Variants in BMERB1 observed in about 807,000 individuals in gnomAD.
BMERB1 encodes bMERB domain containing 1.
Under a neutral mutation model 23.6 loss-of-function variants are expected in BMERB1, and 12 were observed. That is an observed-to-expected ratio of 0.51 (90% CI 0.33 to 0.82). BMERB1 has a LOEUF of 0.82. Among genes scored for constraint, BMERB1 ranks in the 40% least tolerant of loss-of-function variants. BMERB1 has a pLI of 0.03. For synonymous variants in BMERB1, 122 were observed against 96.6 expected (o/e 1.26, Z -1.54); for missense variants, 247 against 255.4 (o/e 0.97, Z 0.22).
At chr16:15,499,984 C>G (rs1424359389) in intron 1 of BMERB1, among the ~76,000 whole-genome samples, 1 of 152,142 alleles carries the variant, frequency 6.6e-6, no homozygotes, top group Non-Finnish European at 1.5e-5. Flanking sequence ...AGCAATGTGC[C>G]AATGTCAGTT....
chr16:15,443,381 C>CTT (rs1555505000), intron 1 of BMERB1, among the ~76,000 whole-genome samples: 3 of 150,978 alleles, frequency 2.0e-5, no homozygotes, highest in African/African-American at 7.3e-5. Context: ...TGGCGAAACC[C>CTT]TGTCTCTACC....
At chr16:15,533,569 C>T (rs1344005954) in intron 2 of BMERB1, among the ~76,000 whole-genome samples, 2 of 151,982 alleles carry the variant, frequency 1.3e-5, no homozygotes, top group East Asian at 3.9e-4. Context: ...GCTTGAGCCT[C>T]TCCTCACTCC....
intron 1 of BMERB1, among the ~76,000 whole-genome samples, chr16:15,486,637 A>C (rs2051371286): frequency 6.6e-6 from 1 of 152,204 alleles, no homozygotes; most frequent in Non-Finnish European, 1.5e-5. Flanking sequence ...GTGGTCCAGA[A>C]ATACTTCTGA....
At chr16:15,462,047 A>G (rs1218273751) in intron 1 of BMERB1, among the ~76,000 whole-genome samples, 2 of 151,686 alleles carry the variant, frequency 1.3e-5, no homozygotes, top group East Asian at 1.9e-4. Context: ...ATTTTGCAGT[A>G]TAAGCATGTC....
At chr16:15,502,385 G>A (rs1476776470) in intron 1 of BMERB1, 21 of 1,545,830 alleles carry the variant, frequency 1.4e-5, no homozygotes, top group Middle Eastern at 4.0e-4. Flanking sequence ...AGGTATGATC[G>A]CTCTTGGGGG....
intron 5 of BMERB1, among the ~76,000 whole-genome samples, chr16:15,585,119 G>A (rs192177253): frequency 1.3e-5 from 2 of 152,224 alleles, no homozygotes; most frequent in African/African-American, 2.4e-5. Context: ...GGAAAGAGAA[G>A]GGCAATGATC....
chr16:15,547,968 T>C (rs963041766), intron 2 of BMERB1, among the ~76,000 whole-genome samples: 2 of 152,172 alleles, frequency 1.3e-5, no homozygotes, highest in Admixed American at 1.3e-4. Flanking sequence ...TATGAAGCAC[T>C]TCTTAGTGTA....
intron 2 of BMERB1, among the ~76,000 whole-genome samples, chr16:15,554,020 T>C (rs911319510): frequency 2.0e-5 from 3 of 152,154 alleles, no homozygotes; most frequent in Non-Finnish European, 2.9e-5. Context: ...AGACTCTTCA[T>C]TGTCACCTAC....
At chr16:15,526,853 G>A (rs894438272) in intron 2 of BMERB1, among the ~76,000 whole-genome samples, 61 of 149,612 alleles carry the variant, frequency 4.1e-4, no homozygotes, top group African/African-American at 1.5e-3. Flanking sequence ...TACTTAAGTA[G>A]GATGTTGGGA....
intron 1 of BMERB1, among the ~76,000 whole-genome samples, chr16:15,486,969 T>G (rs1453590643): frequency 6.6e-6 from 1 of 152,196 alleles, no homozygotes; most frequent in Non-Finnish European, 1.5e-5. Flanking sequence ...GCCTGGCAAA[T>G]AGTAAAGATT....
intron 1 of BMERB1, among the ~76,000 whole-genome samples, chr16:15,486,110 C>T (rs1408584056): frequency 6.7e-6 from 1 of 148,272 alleles, no homozygotes; most frequent in Non-Finnish European, 1.5e-5. Context: ...GGTGTGGTGG[C>T]ACAATCGCTG....
chr16:15,547,161 G>A (rs759867777), intron 2 of BMERB1, among the ~76,000 whole-genome samples: 1 of 150,950 alleles, frequency 6.6e-6, no homozygotes, highest in Non-Finnish European at 1.5e-5. Flanking sequence ...ACAGGCATGC[G>A]CCACCATGCC....
intron 1 of BMERB1, among the ~76,000 whole-genome samples, chr16:15,490,848 T>C (rs759778527): frequency 1.3e-5 from 2 of 152,294 alleles, no homozygotes; most frequent in African/African-American, 4.8e-5. Context: ...TTTTTATTTT[T>C]ATTTATTTAT....
At chr16:15,553,381 AG>A (rs2150966979) in intron 2 of BMERB1, among the ~76,000 whole-genome samples, 1 of 152,342 alleles carries the variant, frequency 6.6e-6, no homozygotes, top group East Asian at 1.9e-4. Flanking sequence ...AGGCTGAGGC[AG>A]GAGGATTGCT....
intron 3 of BMERB1, among the ~76,000 whole-genome samples, chr16:15,577,775 A>C (rs1465150879): frequency 6.6e-6 from 1 of 152,212 alleles, no homozygotes; most frequent in Non-Finnish European, 1.5e-5. Context: ...CAGTGTATTT[A>C]CAGAAGTCAT....
intron 5 of BMERB1, among the ~76,000 whole-genome samples, 155 bp downstream of exon 5, chr16:15,583,393 C>T (rs1479805359): frequency 1.3e-5 from 2 of 152,008 alleles, no homozygotes; most frequent in Non-Finnish European, 2.9e-5. Flanking sequence ...GCCTGGTCAA[C>T]ATGGTGAAAC....
chr16:15,472,369 T>C (rs969507879), intron 1 of BMERB1, among the ~76,000 whole-genome samples: 4 of 152,220 alleles, frequency 2.6e-5, no homozygotes, highest in African/African-American at 7.2e-5. Context: ...CAATTGTAAC[T>C]GTAGATTTGT....
chr16:15,533,394 T>TC (rs2051989112), intron 2 of BMERB1, among the ~76,000 whole-genome samples: 1 of 149,858 alleles, frequency 6.7e-6, no homozygotes, highest in African/African-American at 2.5e-5. Context: ...TTCGTTTCTT[T>TC]CTTTTTTTTT....
At chr16:15,572,002 T>C (rs934809175) in intron 3 of BMERB1, among the ~76,000 whole-genome samples, 1 of 151,998 alleles carries the variant, frequency 6.6e-6, no homozygotes, top group Non-Finnish European at 1.5e-5. Context: ...GCTGCCTGTG[T>C]CTCTTTTTCC....
Sources: gnomAD v4.1 joint callset for allele counts (sites outside exome capture counted in the v4.1 genomes callset) on GRCh38, gnomAD v4.1.1 for gene constraint, MANE v1.5 for transcripts, NCBI Gene and HGNC (gene_info 2026-07-23, HGNC 2026-07-21) for gene names.